The following AJAP1 variants were observed in gnomAD, a reference collection of about 807,000 sequenced individuals.
The protein encoded by AJAP1 is adherens junctions associated protein 1.
Under a neutral mutation model 35.0 loss-of-function variants are expected in AJAP1, and 5 were observed. The ratio of observed to expected loss-of-function variants is 0.14; its 90% CI spans 0.07 to 0.30. The LOEUF (loss-of-function observed/expected upper bound fraction) is 0.30. Among genes scored for constraint, AJAP1 ranks in the 10% least tolerant of loss-of-function variants. The pLI is 1.00. For missense variants in AJAP1, 586 were observed against 571.0 expected (o/e 1.03, Z -0.27); for synonymous variants, 284 against 249.3 (o/e 1.14, Z -1.31).
intron 2 of AJAP1, among the ~76,000 whole-genome samples, chr1:4,713,171 G>A (rs1426640403): frequency 6.6e-6 from 1 of 152,230 alleles, no homozygotes; most frequent in Non-Finnish European, 1.5e-5. Flanking sequence ...CGGGGGCATG[G>A]ACGGGGGCAG....
At chr1:4,705,833 G>A (rs963946404) in intron 1 of AJAP1, among the ~76,000 whole-genome samples, 3 of 152,004 alleles carry the variant, frequency 2.0e-5, no homozygotes, top group Admixed American at 2.0e-4. Context: ...GATGCCACGT[G>A]GTATTCTGGA....
intron 1 of AJAP1, among the ~76,000 whole-genome samples, chr1:4,683,943 C>T (rs1439212001): frequency 3.9e-5 from 6 of 151,998 alleles, no homozygotes; most frequent in African/African-American, 7.2e-5. Context: ...GCATCAGATG[C>T]GTAGGCATTC....
Position 4,656,018 on chromosome 1 carries a change from C to T in AJAP1, c.29+564C>T, listed in dbSNP as rs1429982823. ...TGCCGACCCAGCTGTTTGCGGGTGACCTCCGGGCCCGACGGGCGCTCACAG... is the reference window on the plus strand; with the variant it reads ...TGCCGACCCAGCTGTTTGCGGGTGATCTCCGGGCCCGACGGGCGCTCACAG... On this transcript the variant is annotated intron_variant, in intron 1 of 5. Coordinates refer to ENST00000378191, the MANE Select transcript of AJAP1 (RefSeq NM_018836.4). The surrounding 1 kb of genome is among the most constrained non-coding windows in gnomAD (Gnocchi z 5.7). Among the ~76,000 whole-genome samples, 2 of 152,104 alleles carry T rather than the reference C, an allele frequency of 1.3e-5. No individual in the cohort carries two copies. Among genetic ancestry groups the T allele is most frequent in the Admixed American group, 1.3e-4 (2 of 15,280 alleles).
rs142396388 is a variant in AJAP1, at chr1:4,693,553, G to A, written c.30-18347G>A. Among the ~76,000 whole-genome samples, 3,014 of 152,366 alleles carry A rather than the reference G, an allele frequency of 0.02. 98 individuals are homozygous for A. The highest frequency in any genetic ancestry group is 0.13 in the South Asian group (610 of 4,832). Reference sequence around the variant, plus strand: ...ACAGCCTGTGTTTTGGGCATCAGGGGACTGGGAGCGGGAGGGGAGGAAGAG... The same window carrying A: ...ACAGCCTGTGTTTTGGGCATCAGGGAACTGGGAGCGGGAGGGGAGGAAGAG... On this transcript the variant is annotated intron_variant, in intron 1 of 5. Transcript: ENST00000378191. The surrounding 1 kb of genome is among the most constrained non-coding windows in gnomAD (Gnocchi z 4.4).
chr1:4,657,616 C>T (rs1638909676), intron 1 of AJAP1, among the ~76,000 whole-genome samples: 1 of 151,574 alleles, frequency 6.6e-6, no homozygotes. Flanking sequence ...AAGCTTGGAG[C>T]CTGGTTAGGA....
intron 5 of AJAP1, among the ~76,000 whole-genome samples, chr1:4,781,916 G>A (rs1642071694): frequency 6.6e-6 from 1 of 152,182 alleles, no homozygotes; most frequent in African/African-American, 2.4e-5. Flanking sequence ...GGTGGCAATC[G>A]CAGTCAGCAC....
intron 2 of AJAP1, among the ~76,000 whole-genome samples, chr1:4,721,400 G>A (rs902515602): frequency 6.6e-6 from 1 of 152,212 alleles, no homozygotes; most frequent in African/African-American, 2.4e-5. Flanking sequence ...GATCAAAGAA[G>A]ATTCCTGGTC....
At chr1:4,765,951 CACAG>C (rs1301436729) in intron 2 of AJAP1, among the ~76,000 whole-genome samples, 1 of 152,196 alleles carries the variant, frequency 6.6e-6, no homozygotes, top group African/African-American at 2.4e-5. Context: ...GAGCCCAGCA[CACAG>C]CAAAGCTTTG....
At chr1:4,750,008 T>C (rs1437865127) in intron 2 of AJAP1, among the ~76,000 whole-genome samples, 1 of 151,402 alleles carries the variant, frequency 6.6e-6, no homozygotes, top group Non-Finnish European at 1.5e-5. Flanking sequence ...GTCCATGTGT[T>C]TGTGTGTCTG....
chr1:4,757,527 A>G (rs113067395), intron 2 of AJAP1, among the ~76,000 whole-genome samples: 21 of 152,226 alleles, frequency 1.4e-4, no homozygotes, highest in Non-Finnish European at 4.4e-5. Flanking sequence ...GCATCCTGGC[A>G]TGAGTGTGGC....
At chr1:4,739,885 G>A (rs1200431304) in intron 2 of AJAP1, among the ~76,000 whole-genome samples, 1 of 152,158 alleles carries the variant, frequency 6.6e-6, no homozygotes, top group East Asian at 1.9e-4. Flanking sequence ...TGTCTGATAA[G>A]GGGCAGAGCC....
At chr1:4,781,309 A>G (rs535623626) in intron 5 of AJAP1, among the ~76,000 whole-genome samples, 1 of 152,262 alleles carries the variant, frequency 6.6e-6, no homozygotes, top group African/African-American at 2.4e-5. Flanking sequence ...AGAACTGGGG[A>G]ATGGACCCAG....
At position 4,740,257 on chromosome 1, in the gene AJAP1, G is replaced by A. The variant is rs551931992; in HGVS notation, c.829+27558G>A. On this transcript the variant is annotated intron_variant, in intron 2 of 5. Transcript: ENST00000378191. Reference sequence around the variant, plus strand: ...GACATTCTGCTAAGCGAAATAAACCGGCCACAAAAGGACAAACTCTGTCAG... The same window carrying A: ...GACATTCTGCTAAGCGAAATAAACCAGCCACAAAAGGACAAACTCTGTCAG... Among the ~76,000 whole-genome samples the A allele has an allele frequency of 4.8e-3, 642 of 134,308 alleles. 4 individuals are homozygous for A. Among genetic ancestry groups the A allele is most frequent in the African/African-American group, 0.016 (585 of 35,852 alleles). The allele number at this position is 134,308 out of a possible 152,430, so 88.1% of individuals were successfully genotyped here.
intron 1 of AJAP1, among the ~76,000 whole-genome samples, chr1:4,680,510 T>C (rs934679704): frequency 6.6e-6 from 1 of 152,220 alleles, no homozygotes; most frequent in African/African-American, 2.4e-5. Flanking sequence ...GGGGTTGGGT[T>C]ATGGGTCAGC....
In AJAP1 at chr1:4,693,896, C is replaced by T. The variant is rs1253284079; in HGVS notation, c.30-18004C>T. Among the ~76,000 whole-genome samples the T allele has an allele frequency of 6.6e-6, 1 of 152,194 alleles. No homozygotes were observed. The highest frequency in any genetic ancestry group is 2.4e-5 in the African/African-American group (1 of 41,448). ...CAGAGCCTTCAGGGCCCCCTCACCT[C>T]TTACAGGTCCCACCTCAGTGCTGTG... On this transcript the variant is annotated intron_variant, in intron 1 of 5. Coordinates refer to ENST00000378191, the MANE Select transcript of AJAP1 (RefSeq NM_018836.4). This position sits in a 1 kb window ranked among gnomAD's most constrained non-coding sequence, Gnocchi z 4.4.
chr1:4,684,928 G>A (rs1639572053), intron 1 of AJAP1, among the ~76,000 whole-genome samples: 1 of 152,228 alleles, frequency 6.6e-6, no homozygotes, highest in Admixed American at 6.5e-5. Context: ...GGCAGCCTCA[G>A]AGGATGGAGT....
intron 1 of AJAP1, among the ~76,000 whole-genome samples, chr1:4,675,273 T>G (rs1639338424): frequency 6.6e-6 from 1 of 152,232 alleles, no homozygotes; most frequent in African/African-American, 2.4e-5. Flanking sequence ...AAAGCCGTCA[T>G]ACTCACAGTA....
intron 2 of AJAP1, among the ~76,000 whole-genome samples, chr1:4,754,577 A>G (rs936277171): frequency 3.3e-5 from 5 of 152,278 alleles, no homozygotes; most frequent in African/African-American, 1.2e-4. Context: ...CACTTTGAGG[A>G]TGAGAGGACA....
chr1:4,775,906 C>T (rs2100367762), intron 5 of AJAP1, among the ~76,000 whole-genome samples: 1 of 152,346 alleles, frequency 6.6e-6, no homozygotes, highest in South Asian at 2.1e-4. Flanking sequence ...TACTGGAGTG[C>T]CAACCAAGCT....
Sources: allele counts gnomAD v4.1 joint callset (sites outside exome capture counted in the v4.1 genomes callset), GRCh38; gene constraint gnomAD v4.1.1; non-coding constraint Gnocchi (gnomAD v3.1); transcripts MANE v1.5; gene names NCBI Gene and HGNC (gene_info 2026-07-23, HGNC 2026-07-21).